The following CSMD2 variants were observed in gnomAD, a reference collection of about 807,000 sequenced individuals.
CSMD2 encodes the protein CUB and sushi domain-containing protein 2.
A neutral mutation model predicts 398.5 loss-of-function variants in CSMD2; 130 were observed. That is an observed-to-expected ratio of 0.33 (90% CI 0.28 to 0.38). The LOEUF is 0.38. CSMD2 is among the 10% of genes least tolerant of loss of function. The probability of loss-of-function intolerance (pLI) is 1.00; values close to 1 mark genes in which losing one functional copy is unlikely to be tolerated. For synonymous variants in CSMD2, 1,828 were observed against 1,908.5 expected, an observed-to-expected ratio of 0.96 and a Z score of 1.10; for missense variants, 3,829 against 4,764.9, an observed-to-expected ratio of 0.80 and a Z score of 5.78.
At chr1:34,104,186 T>C (rs1660296934) in intron 1 of CSMD2, among the ~76,000 whole-genome samples, 1 of 152,224 alleles carries the variant, frequency 6.6e-6, no homozygotes, top group Non-Finnish European at 1.5e-5. Context: ...CTAGTGAATG[T>C]CATTTTTCTC....
intron 4 of CSMD2, among the ~76,000 whole-genome samples, chr1:33,927,759 C>T (rs980401737): frequency 7.9e-5 from 12 of 152,140 alleles, no homozygotes; most frequent in East Asian, 1.9e-4. Flanking sequence ...AGGCATGAGA[C>T]GCTTCCTCCT....
At chr1:33,526,549 T>C (rs1188900802) in intron 65 of CSMD2, among the ~76,000 whole-genome samples, 1 of 152,246 alleles carries the variant, frequency 6.6e-6, no homozygotes, top group Non-Finnish European at 1.5e-5. Flanking sequence ...TTTATCCTTG[T>C]AATCATTCTC....
intron 6 of CSMD2, among the ~76,000 whole-genome samples, chr1:33,833,910 A>G (rs1357962745): frequency 6.6e-6 from 1 of 150,682 alleles, no homozygotes; most frequent in Non-Finnish European, 1.5e-5. Flanking sequence ...ATTGCTTCAA[A>G]GAGAATAAAA....
At chr1:34,102,795 TCCTTGGAGACTACCCTA>T (rs1311647577) in intron 1 of CSMD2, among the ~76,000 whole-genome samples, 1 of 152,170 alleles carries the variant, frequency 6.6e-6, no homozygotes, top group Non-Finnish European at 1.5e-5. Context: ...AAATATAACC[TCCTTGGAGACTACCCTA>T]AGTACAATTC....
chr1:33,540,774 C>T, intron 59 of CSMD2, 76 bp from the exon 60 acceptor site: 1 of 1,533,172 alleles, frequency 6.5e-7, no homozygotes. Flanking sequence ...ATTGATATCA[C>T]CGACTACCCT....
intron 1 of CSMD2, among the ~76,000 whole-genome samples, chr1:34,160,503 T>A (rs1641233756): frequency 6.6e-6 from 1 of 152,266 alleles, no homozygotes; most frequent in Non-Finnish European, 1.5e-5. Flanking sequence ...GTCTTTGTCA[T>A]CTTATTACCT....
intron 68 of CSMD2, among the ~76,000 whole-genome samples, chr1:33,520,642 G>A (rs1192105560): frequency 6.6e-6 from 1 of 152,090 alleles, no homozygotes; most frequent in Non-Finnish European, 1.5e-5. Context: ...GCAGAGCTGG[G>A]ACAACTCCGG....
chr1:34,045,225 G>T (rs1652379537), intron 2 of CSMD2, among the ~76,000 whole-genome samples: 2 of 152,092 alleles, frequency 1.3e-5, no homozygotes, highest in African/African-American at 4.8e-5. Context: ...CTTGTGGGCT[G>T]GGGTTCTGTG....
At chr1:33,940,464 C>T (rs944163404) in intron 3 of CSMD2, among the ~76,000 whole-genome samples, 2 of 151,860 alleles carry the variant, frequency 1.3e-5, no homozygotes, top group African/African-American at 2.4e-5. Context: ...GTTTCAGGTC[C>T]TGGACTAAAA....
At chr1:33,832,449 C>G (rs7365247) in intron 6 of CSMD2, among the ~76,000 whole-genome samples, 1 of 136,142 alleles carries the variant, frequency 7.3e-6, no homozygotes, top group Non-Finnish European at 1.5e-5. Context: ...TCTTTGAAAC[C>G]AAGGAGAACA....
chr1:33,914,680 C>G (rs970264079), intron 5 of CSMD2, among the ~76,000 whole-genome samples: 1 of 152,092 alleles, frequency 6.6e-6, no homozygotes, highest in Non-Finnish European at 1.5e-5. Context: ...AAGGCTGGAC[C>G]GGGACCAGCA....
At chr1:33,609,329 C>A (rs776487606) in intron 41 of CSMD2, among the ~76,000 whole-genome samples, 1 of 152,244 alleles carries the variant, frequency 6.6e-6, no homozygotes, top group African/African-American at 2.4e-5. Flanking sequence ...CCTCAGTATT[C>A]TTCTCTGGCA....
At chr1:33,805,228 G>C (rs1323429004) in intron 10 of CSMD2, among the ~76,000 whole-genome samples, 3 of 152,210 alleles carry the variant, frequency 2.0e-5, no homozygotes, top group East Asian at 3.8e-4. Context: ...GATAAGGATT[G>C]TAACAGTGCC....
At chr1:33,806,995 T>G (rs909933547) in intron 10 of CSMD2, among the ~76,000 whole-genome samples, 2 of 152,066 alleles carry the variant, frequency 1.3e-5, no homozygotes, top group Non-Finnish European at 2.9e-5. Flanking sequence ...AATCCATAGA[T>G]TCAAGAAACT....
At chr1:33,860,458 C>G (rs1018544629) in intron 5 of CSMD2, 1 of 152,128 alleles carries the variant, frequency 6.6e-6, no homozygotes, top group Non-Finnish European at 1.5e-5. Context: ...ATGATGCTTA[C>G]TTCGATCACT....
At chr1:33,782,155 T>C (rs559192269) in intron 12 of CSMD2, among the ~76,000 whole-genome samples, 1 of 152,158 alleles carries the variant, frequency 6.6e-6, no homozygotes, top group Admixed American at 6.5e-5. Flanking sequence ...CCTTATGCCA[T>C]CCTACGAGAA....
At chr1:33,628,667 T>TCAA (rs1642275531) in intron 32 of CSMD2, among the ~76,000 whole-genome samples, 1 of 99,558 alleles carries the variant, frequency 1.0e-5, no homozygotes, top group East Asian at 3.2e-4. Flanking sequence ...AGACTCTGTC[T>TCAA]CAAAAAAAAA....
intron 5 of CSMD2, among the ~76,000 whole-genome samples, chr1:33,852,385 T>A (rs927152091): frequency 1.3e-5 from 2 of 152,362 alleles, no homozygotes; most frequent in Admixed American, 6.5e-5. Flanking sequence ...ATGTCTTTCC[T>A]CTTCAATGAC....
intron 1 of CSMD2, among the ~76,000 whole-genome samples, chr1:34,157,505 CTCCCCTCCATCATA>C (rs1640914659): frequency 6.6e-6 from 1 of 151,236 alleles, no homozygotes; most frequent in Admixed American, 6.6e-5. Context: ...TACATCTCAC[CTCCCCTCCATCATA>C]TCCCAATTGT....
Sources: gnomAD v4.1 joint callset for allele counts (sites outside exome capture counted in the v4.1 genomes callset) on GRCh38, gnomAD v4.1.1 for gene constraint, MANE v1.5 for transcripts, NCBI Gene and HGNC (gene_info 2026-07-23, HGNC 2026-07-21) for gene names.